Variants in ZHX2 observed in about 807,000 individuals in gnomAD.
The protein encoded by ZHX2 is zinc fingers and homeoboxes protein 2.
In ZHX2, 6 loss-of-function variants were observed where a neutral mutation model predicts 21.9. That is an observed-to-expected ratio of 0.27 (90% CI 0.15 to 0.54). The LOEUF (loss-of-function observed/expected upper bound fraction) is 0.54, where lower values mean the gene tolerates loss of function less well. Ranked by LOEUF, ZHX2 falls within the 20% of genes least tolerant of loss-of-function variation. The pLI is 0.95. For missense variants in ZHX2, 908 were observed against 1,090.7 expected (o/e 0.83, Z 2.36); for synonymous variants, 434 against 437.1 (o/e 0.99, Z 0.09).
At chr8:122,833,185 G>A (rs772208427) in intron 1 of ZHX2, among the ~76,000 whole-genome samples, 2 of 152,200 alleles carry the variant, frequency 1.3e-5, no homozygotes, top group Non-Finnish European at 2.9e-5. Flanking sequence ...GGAGGGAATC[G>A]TGAAAAGTAA....
chr8:122,951,638 C>A lies in ZHX2; in HGVS notation c.128C>A (p.Ala43Asp). 1.2e-6 allele frequency: 2 copies of A among 1,613,874 alleles called. No homozygotes were observed. Among genetic ancestry groups the A allele is most frequent in the East Asian group, 2.2e-5 (1 of 44,868 alleles). ...ATCGGCACACCACAGCCTGACGTGG[C>A]CAAGGACAGTTGGGCAGCAGAACTT... ...KGIGTPQPDV[A>D]KDSWAAELEN... The change falls in exon 3 of 4, where the codon GCC becomes GAC. Residue 43 changes from alanine (A) to aspartate (D), a missense_variant. Physicochemically the swap from Ala to Asp is moderately radical, Grantham distance 126. Coordinates refer to ENST00000314393, the MANE Select transcript of ZHX2 (RefSeq NM_014943.5).
rs927146970 is a variant in ZHX2, at chr8:122,950,996, G to A, written c.-219-296G>A. Among the ~76,000 whole-genome samples the A allele has an allele frequency of 5.3e-5, 8 of 152,150 alleles. No individual in the cohort carries two copies. In the East Asian group the frequency reaches 1.2e-3, roughly 22 times the overall value. On this transcript the variant is annotated intron_variant, in intron 2 of 3. Coordinates refer to ENST00000314393, the MANE Select transcript of ZHX2 (RefSeq NM_014943.5). ...ACACCATCTGCGACTCCCTCTCACC[G>A]CTTCAGAGGATTTTAGGACCTGTCT...
Position 122,871,037 on chromosome 8 carries a change from C to T in ZHX2, c.-220+7498C>T, listed in dbSNP as rs556971456. On this transcript the variant is annotated intron_variant, in intron 2 of 3. Coordinates refer to ENST00000314393, the MANE Select transcript of ZHX2 (RefSeq NM_014943.5). ...TGATGAACCGGTGGAGCGGGCAGGA[C>T]GGGGAGCAGCATGGAGTAGCAGTTA... 4.6e-5 allele frequency among the ~76,000 whole-genome samples: 7 copies of T among 152,118 alleles called. No homozygotes were observed. The South Asian group carries it at 6.2e-4, about 14-fold the overall frequency.
intron 1 of ZHX2, among the ~76,000 whole-genome samples, chr8:122,829,156 C>T (rs1818321031): frequency 6.6e-6 from 1 of 152,154 alleles, no homozygotes; most frequent in South Asian, 2.1e-4. Flanking sequence ...TACAGATATG[C>T]CCAAAGATGG....
At chr8:122,954,699 G>A (rs78302109) in intron 3 of ZHX2, among the ~76,000 whole-genome samples, 7,678 of 152,236 alleles carry the variant, frequency 0.05, 632 homozygotes, top group African/African-American at 0.17. Flanking sequence ...TGCCCAGGGG[G>A]CAGCACCGCT....
In ZHX2 at chr8:122,951,547, G is replaced by A; in HGVS notation, c.37G>A (p.Val13Ile). ...ACGAAAATCTACAACTCCATGCATG[G>A]TTCGGACATCACAAGTAGTAGAACA... is the stretch of plus-strand genomic sequence containing the variant. ...SKRKSTTPCM[V>I]RTSQVVEQDV... is the part of the protein sequence containing the mutation. Residue 13 changes from valine (V) to isoleucine (I), a missense_variant, in exon 3 of 4, where the codon GTT becomes ATT. Physicochemically the swap from Val to Ile is conservative, Grantham distance 29. Coordinates refer to ENST00000314393, the MANE Select transcript of ZHX2 (RefSeq NM_014943.5). 6.2e-7 allele frequency: 1 copy of A among 1,613,496 alleles called. No individual in the cohort carries two copies. The highest frequency in any genetic ancestry group is 8.5e-7 in the Non-Finnish European group (1 of 1,179,884).
intron 1 of ZHX2, among the ~76,000 whole-genome samples, chr8:122,842,106 T>C (rs1818644788): frequency 6.6e-6 from 1 of 152,218 alleles, no homozygotes; most frequent in South Asian, 2.1e-4. Context: ...GCGAGACCTA[T>C]AGCTCAAGTT....
intron 2 of ZHX2, among the ~76,000 whole-genome samples, chr8:122,893,513 C>A (rs1820029287): frequency 6.6e-6 from 1 of 150,666 alleles, no homozygotes; most frequent in Admixed American, 6.6e-5. Context: ...TTTTTTTATT[C>A]TTTATTTTTT....
chr8:122,917,992 C>CTCTT (rs752374688), intron 2 of ZHX2, among the ~76,000 whole-genome samples: 4 of 152,318 alleles, frequency 2.6e-5, no homozygotes, highest in South Asian at 4.1e-4. Flanking sequence ...AATGATTCCA[C>CTCTT]TCTTTTCTTA....
Position 122,974,353 on chromosome 8 carries a change from A to C in ZHX2, c.*1116A>C, listed in dbSNP as rs192789466. ...GAGACATATCTGGTGTACGTGTTGC[A>C]GTATGAACTCTGGTTGCAATCCCTC... On this transcript the variant is annotated 3_prime_UTR_variant, in exon 4 of 4. Transcript: ENST00000314393. 21 of 152,684 alleles carry C rather than the reference A, an allele frequency of 1.4e-4. No individual in the cohort carries two copies. The highest frequency in any genetic ancestry group is 5.1e-4 in the African/African-American group (21 of 41,526). 9.5% of individuals were successfully genotyped at this position (152,684 alleles called of 1,614,324 possible). A position where few individuals can be genotyped will look rare whatever the true frequency, so the allele number is the denominator to read the frequency against.
chr8:122,796,126 A>C (rs1273282380), intron 1 of ZHX2, among the ~76,000 whole-genome samples: 1 of 151,462 alleles, frequency 6.6e-6, no homozygotes, highest in Non-Finnish European at 1.5e-5. Flanking sequence ...AGCTGAGATC[A>C]TACCACTGCA....
At chr8:122,789,217 G>A (rs1380593692) in intron 1 of ZHX2, among the ~76,000 whole-genome samples, 1 of 152,196 alleles carries the variant, frequency 6.6e-6, no homozygotes, top group Non-Finnish European at 1.5e-5. Flanking sequence ...GTAATTGGGA[G>A]CCTTTGAATC....
chr8:122,932,310 A>ATTC (rs34780747), intron 2 of ZHX2, among the ~76,000 whole-genome samples: 78,565 of 151,786 alleles, frequency 0.52, 21,345 homozygotes, highest in Admixed American at 0.6. Context: ...CCACAAGTTT[A>ATTC]TTCTCTTTAA....
rs546779545 is a variant in ZHX2, at chr8:122,788,482, G to A, written c.-283+6536G>A. On this transcript the variant is annotated intron_variant, in intron 1 of 3. Coordinates refer to ENST00000314393, the MANE Select transcript of ZHX2 (RefSeq NM_014943.5). ...CTTGGGAGGCTAAGGCAGGAGGATCGCTTGAGCCCGGGAGGTCAAGGCTGC... is the reference window on the plus strand; with the variant it reads ...CTTGGGAGGCTAAGGCAGGAGGATCACTTGAGCCCGGGAGGTCAAGGCTGC... 4.6e-5 allele frequency among the ~76,000 whole-genome samples: 7 copies of A among 152,294 alleles called. No individual in the cohort carries two copies. In the South Asian group the frequency reaches 1.4e-3, roughly 32 times the overall value.
rs144209659 is a variant in ZHX2 at position 122,951,552 on chromosome 8, G to A, written c.42G>A (p.Arg14=). The A allele has an allele frequency of 3.6e-5, 58 of 1,613,284 alleles. No individual in the cohort carries two copies. The highest frequency in any genetic ancestry group is 1.2e-4 in the Admixed American group (7 of 59,872). ...AATCTACAACTCCATGCATGGTTCG[G>A]ACATCACAAGTAGTAGAACAAGATG... The part of the protein sequence containing the change: ...KRKSTTPCMV[R]TSQVVEQDVP... Residue 14 remains arginine, a synonymous_variant, in exon 3 of 4, where the codon CGG becomes CGA. Transcript: ENST00000314393.
intron 3 of ZHX2, among the ~76,000 whole-genome samples, chr8:122,954,538 G>A (rs1180499622): frequency 6.6e-6 from 1 of 152,144 alleles, no homozygotes; most frequent in Non-Finnish European, 1.5e-5. Context: ...CAAACTCCTG[G>A]ACTCAAGGAA....
At chr8:122,853,178 A>G (rs1182345931) in intron 1 of ZHX2, among the ~76,000 whole-genome samples, 1 of 152,172 alleles carries the variant, frequency 6.6e-6, no homozygotes. Flanking sequence ...GCTACCTGCC[A>G]CACTGGTGCC....
chr8:122,934,115 T>C (rs1313533572), intron 2 of ZHX2, among the ~76,000 whole-genome samples: 1 of 152,218 alleles, frequency 6.6e-6, no homozygotes, highest in Non-Finnish European at 1.5e-5. Flanking sequence ...TTCACAAGCA[T>C]TGTACCATTT....
At chr8:122,849,211 G>A (rs1306791834) in intron 1 of ZHX2, among the ~76,000 whole-genome samples, 1 of 152,182 alleles carries the variant, frequency 6.6e-6, no homozygotes, top group Non-Finnish European at 1.5e-5. Context: ...TGTTCCTTGT[G>A]GCTCTGAGTC....
Sources: gnomAD v4.1 joint callset for allele counts (sites outside exome capture counted in the v4.1 genomes callset) on GRCh38, gnomAD v4.1.1 for gene constraint, MANE v1.5 for transcripts, NCBI Gene and HGNC (gene_info 2026-07-23, HGNC 2026-07-21) for gene names.